The following SYCP2L variants were observed in gnomAD, a reference collection of about 807,000 sequenced individuals.
SYCP2L encodes the protein synaptonemal complex protein 2-like.
A neutral mutation model predicts 125.8 loss-of-function variants in SYCP2L; 98 were observed. The observed-to-expected ratio is 0.78, with a 90% confidence interval of 0.66 to 0.92. The LOEUF (loss-of-function observed/expected upper bound fraction) is 0.92, where lower values mean the gene tolerates loss of function less well. Ranked by LOEUF, SYCP2L falls within the 40% of genes least tolerant of loss-of-function variation. The pLI, the probability that SYCP2L is intolerant of heterozygous loss-of-function variation, is 0.00. For missense variants in SYCP2L, 842 were observed against 936.4 expected (o/e 0.90, Z 1.32); for synonymous variants, 317 against 325.4 (o/e 0.97, Z 0.28).
At chr6:10,905,295 T>C (rs1319034437) in intron 8 of SYCP2L, among the ~76,000 whole-genome samples, 3 of 151,966 alleles carry the variant, frequency 2.0e-5, no homozygotes, top group Non-Finnish European at 4.4e-5. Context: ...TTATTATTAT[T>C]ACCATTTTTT....
chr6:10,897,281 A>G (rs972181205), intron 4 of SYCP2L, among the ~76,000 whole-genome samples: 1 of 152,204 alleles, frequency 6.6e-6, no homozygotes, highest in African/African-American at 2.4e-5. Context: ...GGCCTGAGGC[A>G]TATTTACTAT....
chr6:10,968,810 AC>A (rs1264202353), intron 29 of SYCP2L, among the ~76,000 whole-genome samples: 1 of 152,078 alleles, frequency 6.6e-6, no homozygotes, highest in Non-Finnish European at 1.5e-5. Context: ...GGGATTTGAG[AC>A]CAATGGAGCT....
intron 14 of SYCP2L, among the ~76,000 whole-genome samples, chr6:10,923,909 C>T (rs1405324263): frequency 6.6e-6 from 1 of 152,024 alleles, no homozygotes; most frequent in African/African-American, 2.4e-5. Flanking sequence ...TGGTCTCCAT[C>T]TCCTGACCTC....
intron 14 of SYCP2L, among the ~76,000 whole-genome samples, chr6:10,920,580 G>A (rs964363429): frequency 6.6e-6 from 1 of 151,798 alleles, no homozygotes; most frequent in Non-Finnish European, 1.5e-5. Context: ...TGCCTCATGG[G>A]AAGAAGGTAA....
At chr6:10,951,488 G>A (rs919710085) in intron 23 of SYCP2L, among the ~76,000 whole-genome samples, 7 of 152,086 alleles carry the variant, frequency 4.6e-5, no homozygotes, top group African/African-American at 1.7e-4. Flanking sequence ...CGCTATTTAA[G>A]CATTTATATG....
chr6:10,928,496 G>A, intron 18 of SYCP2L, 46 bp downstream of exon 18: 1 of 1,510,912 alleles, frequency 6.6e-7, no homozygotes. Context: ...GTCTCCAGTG[G>A]GACTGTGACA....
chr6:10,931,168 C>G (rs186009377), intron 19 of SYCP2L, among the ~76,000 whole-genome samples: 1 of 152,304 alleles, frequency 6.6e-6, no homozygotes, highest in African/African-American at 2.4e-5. Context: ...GAGACCCTGT[C>G]TCAAACGAAA....
intron 28 of SYCP2L, 60 bp downstream of exon 28, chr6:10,961,618 G>A (rs1314504347): frequency 6.5e-7 from 1 of 1,532,532 alleles, no homozygotes; most frequent in African/African-American, 1.4e-5. Context: ...TAATGCTTTA[G>A]CTAGAGAATG....
At chr6:10,935,249 G>A in intron 21 of SYCP2L, 62 bp downstream of exon 21, 1 of 1,536,394 alleles carries the variant, frequency 6.5e-7, no homozygotes, top group Non-Finnish European at 8.9e-7. Flanking sequence ...GTAGTTTGAA[G>A]TAAACAAAAC....
rs923792606 is a variant in SYCP2L at position 10,903,275 on chromosome 6, G to A, written c.641+312G>A. Among the ~76,000 whole-genome samples the A allele has an allele frequency of 9.9e-5, 15 of 152,114 alleles. 1 individual carries two copies. Among genetic ancestry groups the A allele is most frequent in the East Asian group, 7.8e-4 (4 of 5,160 alleles). ...TGGCAAAACCCCATCTCGGCCAGGC[G>A]TGGTGGCTCACGCCTGTAATCCCAG... On this transcript the variant is annotated intron_variant, in intron 8 of 29. Transcript: ENST00000283141.
rs1781819230 is a variant in SYCP2L at position 10,974,055 on chromosome 6, ACAT to A, written c.*146_*148del. 1 of 152,124 alleles carries A rather than the reference ACAT, an allele frequency of 6.6e-6. No individual in the cohort carries two copies. The highest frequency in any genetic ancestry group is 2.4e-5 in the African/African-American group (1 of 41,412). The allele number at this position is 152,124 out of a possible 1,614,324, so 9.4% of individuals were successfully genotyped here. On this transcript the variant is annotated 3_prime_UTR_variant, in exon 30 of 30. Coordinates refer to ENST00000283141, the MANE Select transcript of SYCP2L (RefSeq NM_001040274.3). Reference sequence around the variant, plus strand: ...ACGCATTCAATTTCCTCCCCTCCAAACATCATCCCTGGGAACTGCTGAGTTCAG... The same window carrying A: ...ACGCATTCAATTTCCTCCCCTCCAAACATCCCTGGGAACTGCTGAGTTCAG...
At chr6:10,921,295 A>T (rs967061718) in intron 14 of SYCP2L, among the ~76,000 whole-genome samples, 7 of 152,056 alleles carry the variant, frequency 4.6e-5, no homozygotes, top group Non-Finnish European at 7.4e-5. Flanking sequence ...GGGAATTTAG[A>T]TTGATTCCAT....
intron 21 of SYCP2L, among the ~76,000 whole-genome samples, chr6:10,936,222 C>T (rs1417638170): frequency 2.7e-5 from 4 of 150,850 alleles, no homozygotes; most frequent in South Asian, 2.1e-4. Flanking sequence ...AGGGGTCAGG[C>T]GCAGTGGCTC....
At chr6:10,898,193 G>A in intron 5 of SYCP2L, 78 bp downstream of exon 5, 1 of 1,101,638 alleles carries the variant, frequency 9.1e-7, no homozygotes, top group South Asian at 1.3e-5. Flanking sequence ...TATAAAACAT[G>A]GTTTTCTATA....
Position 10,918,827 on chromosome 6 carries a change from C to T in SYCP2L, c.1073-5669C>T, listed in dbSNP as rs141620562. ...GGGATTACAGGCGTGAGCTACCATG[C>T]CCGGCTGACTTTCTTTCTTCCACTT... On this transcript the variant is annotated intron_variant, in intron 14 of 29. Coordinates refer to ENST00000283141, the MANE Select transcript of SYCP2L (RefSeq NM_001040274.3). Among the ~76,000 whole-genome samples, 386 of 152,322 alleles carry T rather than the reference C, an allele frequency of 2.5e-3. 1 individual carries two copies. Among genetic ancestry groups the T allele is most frequent in the African/African-American group, 9.0e-3 (374 of 41,570 alleles).
chr6:10,942,858 CTA>C, intron 23 of SYCP2L, 112 bp downstream of exon 23: 5 of 961,006 alleles, frequency 5.2e-6, no homozygotes, highest in Non-Finnish European at 7.7e-6. Context: ...TGCACAGTGA[CTA>C]TTGCCAGGCC....
At chr6:10,924,443 A>G in intron 14 of SYCP2L, 53 bp from the exon 15 acceptor site, 1 of 1,401,034 alleles carries the variant, frequency 7.1e-7, no homozygotes, top group South Asian at 1.6e-5. Flanking sequence ...AAAATTTTAA[A>G]ATAAAACATT....
Position 10,912,810 on chromosome 6 carries a change from T to C in SYCP2L, c.1011+45T>C. On this transcript the variant is annotated intron_variant, in intron 13 of 29. Transcript: ENST00000283141. This position sits in a 1 kb window ranked among gnomAD's most constrained non-coding sequence, Gnocchi z 4.1. ...GGTTAGAACTAAGCCTTTAGAGATCTTTTTTATGTAAGTATGTGTTTTGCA... is the reference window on the plus strand; with the variant it reads ...GGTTAGAACTAAGCCTTTAGAGATCCTTTTTATGTAAGTATGTGTTTTGCA... The C allele has an allele frequency of 6.2e-7, 1 of 1,607,468 alleles. No individual in the cohort carries two copies. Among genetic ancestry groups the C allele is most frequent in the Non-Finnish European group, 8.5e-7 (1 of 1,174,524 alleles).
chr6:10,907,412 G>T (rs745574462), intron 9 of SYCP2L, 130 bp from the exon 10 acceptor site: 2 of 741,358 alleles, frequency 2.7e-6, no homozygotes, highest in Non-Finnish European at 4.1e-6. Context: ...TTTTGCTGTG[G>T]TAACTTTTTA....
Sources: allele counts gnomAD v4.1 joint callset (sites outside exome capture counted in the v4.1 genomes callset), GRCh38; gene constraint gnomAD v4.1.1; non-coding constraint Gnocchi (gnomAD v3.1); transcripts MANE v1.5; gene names NCBI Gene and HGNC (gene_info 2026-07-23, HGNC 2026-07-21).